MARCHF10: variants seen among roughly 807,000 people sequenced by gnomAD.
MARCHF10 encodes probable E3 ubiquitin-protein ligase MARCHF10.
In MARCHF10, 64 loss-of-function variants were observed where a neutral mutation model predicts 76.2. The ratio of observed to expected loss-of-function variants is 0.84; its 90% CI spans 0.69 to 1.03. The LOEUF (loss-of-function observed/expected upper bound fraction) is 1.03. Ranked by LOEUF, MARCHF10 falls within the 50% of genes least tolerant of loss-of-function variation. MARCHF10 has a pLI of 0.00. For synonymous variants in MARCHF10, 340 were observed against 357.5 expected, an observed-to-expected ratio of 0.95 and a Z score of 0.55; for missense variants, 875 against 958.0, an observed-to-expected ratio of 0.91 and a Z score of 1.14.
intron 4 of MARCHF10, among the ~76,000 whole-genome samples, chr17:62,756,250 AAACAAC>A (rs577095981): frequency 2.0e-5 from 3 of 152,048 alleles, no homozygotes; most frequent in Non-Finnish European, 4.4e-5. Context: ...CTCTGTCTCA[AAACAAC>A]AACAACAACA....
intron 6 of MARCHF10, among the ~76,000 whole-genome samples, chr17:62,727,373 T>C (rs2090810209): frequency 6.6e-6 from 1 of 152,076 alleles, no homozygotes; most frequent in African/African-American, 2.4e-5. Flanking sequence ...AACTGCTTGT[T>C]AATAGTTGAG....
intron 3 of MARCHF10, among the ~76,000 whole-genome samples, chr17:62,769,770 T>TCTTCCC (rs1019331396): frequency 3.9e-5 from 6 of 152,236 alleles, no homozygotes; most frequent in African/African-American, 1.4e-4. Flanking sequence ...AGAAGTATTT[T>TCTTCCC]CTTCCCCTTC....
chr17:62,743,076 T>C (rs1373713997), intron 5 of MARCHF10, among the ~76,000 whole-genome samples: 1 of 152,216 alleles, frequency 6.6e-6, no homozygotes, highest in African/African-American at 2.4e-5. Flanking sequence ...ATTATAACAA[T>C]GCAATGAGGT....
chr17:62,744,381 C>G lies in MARCHF10; in HGVS notation c.530G>C (p.Gly177Ala). The change falls in exon 5 of 11, where the codon GGA (glycine) becomes GCA (alanine). Residue 177 changes from glycine (G) to alanine (A), a missense_variant. Physicochemically the swap from Gly to Ala is moderately conservative, Grantham distance 60. Coordinates refer to ENST00000311269, the MANE Select transcript of MARCHF10 (RefSeq NM_152598.4). ...CGGGAGCCCCGGGTCCTTACCTGCT[C>G]CCCTGGGAACCGGCACCTTTGCAGG... ...QWPAKVPVPR[G>A]ADQVVQQEGL... The G allele has an allele frequency of 2.5e-6, 4 of 1,613,656 alleles. No homozygotes were observed. The highest frequency in any genetic ancestry group is 3.4e-6 in the Non-Finnish European group (4 of 1,179,904).
At chr17:62,707,607 G>A (rs1278274789) in intron 9 of MARCHF10, 1 of 152,362 alleles carries the variant, frequency 6.6e-6, no homozygotes, top group Admixed American at 6.5e-5. Flanking sequence ...CCTAGCTGGA[G>A]GTCTGTCCTA....
intron 4 of MARCHF10, among the ~76,000 whole-genome samples, chr17:62,755,532 G>A (rs1304662880): frequency 6.6e-6 from 1 of 152,056 alleles, no homozygotes; most frequent in Non-Finnish European, 1.5e-5. Context: ...GGGTCTCAAG[G>A]GTATATATAC....
intron 6 of MARCHF10, 112 bp from the exon 7 acceptor site, chr17:62,725,216 G>T: frequency 1.1e-6 from 1 of 925,560 alleles, no homozygotes; most frequent in Non-Finnish European, 1.5e-6. Flanking sequence ...GTACTCACCC[G>T]CTGCCCCCTC....
chr17:62,723,798 G>A (rs1030046034), intron 7 of MARCHF10, among the ~76,000 whole-genome samples: 2 of 151,938 alleles, frequency 1.3e-5, no homozygotes, highest in Non-Finnish European at 2.9e-5. Flanking sequence ...AAATCTACTC[G>A]TTTTCTTCCC....
At chr17:62,796,781 G>C (rs2092992524) in intron 2 of MARCHF10, among the ~76,000 whole-genome samples, 1 of 152,186 alleles carries the variant, frequency 6.6e-6, no homozygotes. Flanking sequence ...TTGAGCCCAG[G>C]AGTTCGATAC....
chr17:62,705,450 C>T (rs2089519826), intron 10 of MARCHF10, 89 bp downstream of exon 10: 1 of 1,611,328 alleles, frequency 6.2e-7, no homozygotes. Flanking sequence ...TCATTCCTTC[C>T]TTCCATGGCA....
chr17:62,776,986 A>G (rs1431036497), intron 3 of MARCHF10, among the ~76,000 whole-genome samples: 5 of 152,164 alleles, frequency 3.3e-5, no homozygotes, highest in Non-Finnish European at 5.9e-5. Context: ...GTCTGATCAT[A>G]ACTGACTAAT....
At chr17:62,716,516 C>T (rs955918782) in intron 8 of MARCHF10, among the ~76,000 whole-genome samples, 11 of 151,852 alleles carry the variant, frequency 7.2e-5, no homozygotes, top group African/African-American at 2.4e-4. Flanking sequence ...CAGGAGGATC[C>T]CTTGAACCCA....
At chr17:62,739,944 T>C (rs1311902450) in intron 5 of MARCHF10, among the ~76,000 whole-genome samples, 1 of 152,062 alleles carries the variant, frequency 6.6e-6, no homozygotes, top group Non-Finnish European at 1.5e-5. Context: ...TCCCAGGGTA[T>C]GCGCGGTGTT....
chr17:62,736,307 G>T lies in MARCHF10; in HGVS notation c.1561C>A (p.Pro521Thr). 1 of 1,614,188 alleles carries T rather than the reference G, an allele frequency of 6.2e-7. No individual in the cohort carries two copies. The highest frequency in any genetic ancestry group is 8.5e-7 in the Non-Finnish European group (1 of 1,180,032). Reference sequence around the variant, plus strand: ...TTATGGTTTTCGGCACTGGCAAATGGAGTCCTATTTCTAATGGGAGACAGT... The same window carrying T: ...TTATGGTTTTCGGCACTGGCAAATGTAGTCCTATTTCTAATGGGAGACAGT... The part of the protein sequence containing the change: ...QPLSPIRNRT[P>T]FASAENHNYF... Residue 521 changes from proline to threonine, a missense_variant, in exon 6 of 11, where the codon CCA becomes ACA. Transcript: ENST00000311269.
chr17:62,773,010 T>TA (rs2092476224), intron 3 of MARCHF10, among the ~76,000 whole-genome samples: 1 of 152,202 alleles, frequency 6.6e-6, no homozygotes, highest in Non-Finnish European at 1.5e-5. Flanking sequence ...GTGTATCTCA[T>TA]TTTATGTTTT....
intron 6 of MARCHF10, 52 bp from the exon 7 acceptor site, chr17:62,725,156 C>A: frequency 6.7e-7 from 1 of 1,491,512 alleles, no homozygotes; most frequent in South Asian, 1.4e-5. Context: ...TTTGCAGTTT[C>A]TACAAATACC....
chr17:62,747,835 GCAA>G (rs747678350), intron 4 of MARCHF10, among the ~76,000 whole-genome samples: 3 of 152,138 alleles, frequency 2.0e-5, no homozygotes, highest in Non-Finnish European at 4.4e-5. Flanking sequence ...AAGGCAAATA[GCAA>G]CTCTTTATAT....
Position 62,722,533 on chromosome 17 carries a change from AC to A in MARCHF10, c.2168del (p.Gly723ValfsTer5). ...MCKQGLLVDL[G>X]DFNMIEFYQK... is the part of the protein sequence containing the mutation. Reference sequence around the variant, plus strand: ...GGTAGAACTCAATCATGTTAAAGTCACCCAGGTCAACCAGCAGGCCTTGCTT... The same window carrying A: ...GGTAGAACTCAATCATGTTAAAGTCACCAGGTCAACCAGCAGGCCTTGCTT... On this transcript the variant is annotated frameshift_variant, in exon 8 of 11. Coordinates refer to ENST00000311269, the MANE Select transcript of MARCHF10 (RefSeq NM_152598.4). LOFTEE classifies it high-confidence loss of function. 6.2e-7 allele frequency: 1 copy of A among 1,613,924 alleles called. No individual in the cohort carries two copies. Among genetic ancestry groups the A allele is most frequent in the Non-Finnish European group, 8.5e-7 (1 of 1,179,958 alleles).
At chr17:62,761,657 G>A (rs185359635) in intron 3 of MARCHF10, among the ~76,000 whole-genome samples, 4 of 152,206 alleles carry the variant, frequency 2.6e-5, no homozygotes, top group Non-Finnish European at 4.4e-5. Flanking sequence ...CCTGACCTTA[G>A]GTGATCAACC....
Sources: allele counts gnomAD v4.1 joint callset (sites outside exome capture counted in the v4.1 genomes callset), GRCh38; gene constraint gnomAD v4.1.1; transcripts MANE v1.5; gene names NCBI Gene and HGNC (gene_info 2026-07-23, HGNC 2026-07-21).